Variants in KIF24 observed in about 807,000 individuals in gnomAD.
KIF24 encodes kinesin-like protein KIF24.
In KIF24, 81 loss-of-function variants were observed where a neutral mutation model predicts 118.9. The ratio of observed to expected loss-of-function variants is 0.68; its 90% CI spans 0.57 to 0.82. KIF24 has a LOEUF of 0.82. KIF24 is among the 40% of genes least tolerant of loss of function. The probability of loss-of-function intolerance (pLI) is 0.00; values close to 1 mark genes in which losing one functional copy is unlikely to be tolerated. For synonymous variants in KIF24, 599 were observed against 610.0 expected, an observed-to-expected ratio of 0.98 and a Z score of 0.27; for missense variants, 1,560 against 1,661.6, an observed-to-expected ratio of 0.94 and a Z score of 1.06.
Position 34,306,339 on chromosome 9 carries a change from T to A in KIF24, c.726A>T (p.Glu242Asp), listed in dbSNP as rs1204808370. Residue 242 changes from glutamate to aspartate, a missense_variant, in exon 3 of 13, where the codon GAA (glutamate) becomes GAT (aspartate). Physicochemically the swap from Glu to Asp is conservative, Grantham distance 45 (BLOSUM62 2). Coordinates refer to ENST00000402558, the MANE Select transcript of KIF24 (RefSeq NM_194313.4). ...TGTCTTCTACAGTAATAATATTAAT[T>A]TCTCCACGACGTACCTCCCTCATGC... ...PLGMREVRRG[E>D]INIITVEDKE... The A allele has an allele frequency of 6.2e-7, 1 of 1,610,590 alleles. No homozygotes were observed. The highest frequency in any genetic ancestry group is 1.7e-5 in the Admixed American group (1 of 59,974).
In KIF24 at chr9:34,256,979, C is replaced by T; in HGVS notation, c.2628G>A (p.Leu876=). The change falls in exon 11 of 13, where the codon CTG becomes CTA. Residue 876 remains leucine (L), a synonymous_variant. Coordinates refer to ENST00000402558, the MANE Select transcript of KIF24 (RefSeq NM_194313.4). ...EKQVAERQQS[L]FSSPRTGDKK... is the part of the protein sequence containing the mutation. Reference sequence around the variant, plus strand: ...TGTCACCTGTCCTGGGGCTAGAAAACAGACTCTGCTGTCTTTCTGCCACCT... The same window carrying T: ...TGTCACCTGTCCTGGGGCTAGAAAATAGACTCTGCTGTCTTTCTGCCACCT... 6.2e-7 allele frequency: 1 copy of T among 1,614,024 alleles called. No individual in the cohort carries two copies. Among genetic ancestry groups the T allele is most frequent in the Non-Finnish European group, 8.5e-7 (1 of 1,179,902 alleles).
At chr9:34,319,804 C>G (rs10118460) in intron 1 of KIF24, 20 of 516,570 alleles carry the variant, frequency 3.9e-5, no homozygotes, top group Non-Finnish European at 6.5e-5. Context: ...TGTGCTTGAA[C>G]GGCCCTTCCC....
rs994762947 is a variant in KIF24 at position 34,313,334 on chromosome 9, C to T, written c.-25-1963G>A. 3.3e-5 allele frequency among the ~76,000 whole-genome samples: 5 copies of T among 152,014 alleles called. No individual in the cohort carries two copies. In the South Asian group the frequency reaches 6.2e-4, roughly 19 times the overall value. ...CCAAATATCTGGGCAAAGCCCAGCC[C>T]AAATATCTGACTCACAGAACTCTGA... On this transcript the variant is annotated intron_variant, in intron 1 of 12. Transcript: ENST00000402558.
intron 1 of KIF24, chr9:34,319,604 C>T: frequency 1.1e-6 from 1 of 921,964 alleles, no homozygotes; most frequent in Non-Finnish European, 1.8e-6. Context: ...CCCTGCTGTT[C>T]ACTGGGCACC....
chr9:34,331,511 A>T (rs909280069), upstream of KIF24, among the ~76,000 whole-genome samples: 17 of 152,146 alleles, frequency 1.1e-4, no homozygotes, highest in African/African-American at 4.1e-4. Flanking sequence ...CTAAAGGAGG[A>T]TGAAAATGCT....
At position 34,254,430 on chromosome 9, in the gene KIF24, GAT is replaced by G. The variant is rs1358547832; in HGVS notation, c.4055_4056del (p.Tyr1352SerfsTer11). ...GCTGCGGTGGGCCCGTGGCAGGTGAGATAGAGCTGCAGCTGGCTCCTCAGACT... is the reference window on the plus strand; with the variant it reads ...GCTGCGGTGGGCCCGTGGCAGGTGAGAGAGCTGCAGCTGGCTCCTCAGACT... ...IQSLRSQLQL[Y>X]LTCHGPTAAP... is the part of the protein sequence containing the mutation. On this transcript the variant is annotated frameshift_variant, in exon 13 of 13. Coordinates refer to ENST00000402558, the MANE Select transcript of KIF24 (RefSeq NM_194313.4). LOFTEE classifies it high-confidence loss of function. The G allele has an allele frequency of 6.2e-7, 1 of 1,613,720 alleles. No individual in the cohort carries two copies. The highest frequency in any genetic ancestry group is 2.2e-5 in the East Asian group (1 of 44,896).
At chr9:34,294,802 C>G (rs1005675417) in intron 4 of KIF24, among the ~76,000 whole-genome samples, 2 of 152,116 alleles carry the variant, frequency 1.3e-5, no homozygotes, top group South Asian at 4.1e-4. Flanking sequence ...TAAAACTAAT[C>G]TATACTGACA....
chr9:34,268,458 G>C (rs527490894), intron 8 of KIF24, among the ~76,000 whole-genome samples: 112 of 149,304 alleles, frequency 7.5e-4, no homozygotes, highest in African/African-American at 2.6e-3. Flanking sequence ...GCCCAGCTGA[G>C]ATATATACAA....
At chr9:34,319,205 AT>A in intron 1 of KIF24, 2 of 1,600,400 alleles carry the variant, frequency 1.2e-6, no homozygotes, top group Non-Finnish European at 1.7e-6. Context: ...CTCCAGCCTC[AT>A]CATCCTCATG....
chr9:34,267,038 G>C (rs1186975537), intron 8 of KIF24, among the ~76,000 whole-genome samples: 2 of 152,136 alleles, frequency 1.3e-5, no homozygotes, highest in African/African-American at 2.4e-5. Context: ...ATAAATTAAA[G>C]AATCATCTTG....
chr9:34,262,693 T>A (rs1219305470), intron 9 of KIF24, among the ~76,000 whole-genome samples: 2 of 44,304 alleles, frequency 4.5e-5, no homozygotes, highest in Admixed American at 3.1e-4. Flanking sequence ...TATATATATA[T>A]ATATATATAT....
Position 34,259,612 on chromosome 9 carries a change from A to C in KIF24, c.1609T>G (p.Leu537Val), listed in dbSNP as rs1322360688. 1 of 1,613,652 alleles carries C rather than the reference A, an allele frequency of 6.2e-7. No homozygotes were observed. The highest frequency in any genetic ancestry group is 1.7e-5 in the Admixed American group (1 of 59,994). The change falls in exon 10 of 13, where the codon TTG (leucine) becomes GTG (valine). Residue 537 changes from leucine to valine, a missense_variant. Coordinates refer to ENST00000402558, the MANE Select transcript of KIF24 (RefSeq NM_194313.4). ...HVATEHTLNT[L>V]RYADRVKELK... ...CTGACTTACCGGTCAGCATAGCGCAAGGTGTTGAGAGTGTGTTCAGTGGCC... is the reference window on the plus strand; with the variant it reads ...CTGACTTACCGGTCAGCATAGCGCACGGTGTTGAGAGTGTGTTCAGTGGCC...
chr9:34,289,603 T>C (rs1430105233), intron 5 of KIF24, among the ~76,000 whole-genome samples: 6 of 152,200 alleles, frequency 3.9e-5, no homozygotes, highest in African/African-American at 7.2e-5. Context: ...AAACAAAACT[T>C]CATGCAAGAA....
intron 3 of KIF24, among the ~76,000 whole-genome samples, chr9:34,301,392 C>G (rs1163068044): frequency 6.6e-6 from 1 of 152,008 alleles, no homozygotes; most frequent in Admixed American, 6.6e-5. Flanking sequence ...GGATTACAGG[C>G]ATGCAGCCAC....
At chr9:34,288,248 GGCCTAGAGAGGAGGAT>G (rs528248160) in intron 5 of KIF24, among the ~76,000 whole-genome samples, 77 of 151,306 alleles carry the variant, frequency 5.1e-4, no homozygotes, top group African/African-American at 1.7e-3. Context: ...CACTTTGGGA[GGCCTAGAGAGGAGGAT>G]TGTTTGAGCC....
At chr9:34,275,639 G>A (rs1835632799) in intron 6 of KIF24, among the ~76,000 whole-genome samples, 1 of 152,048 alleles carries the variant, frequency 6.6e-6, no homozygotes, top group Non-Finnish European at 1.5e-5. Flanking sequence ...AGGAGATCGA[G>A]ACCGTCCTGG....
intron 3 of KIF24, among the ~76,000 whole-genome samples, chr9:34,305,888 G>A (rs1836896001): frequency 6.6e-6 from 1 of 152,164 alleles, no homozygotes; most frequent in Non-Finnish European, 1.5e-5. Flanking sequence ...TTATAGGCGT[G>A]AGCCACCACA....
At chr9:34,329,658 A>G (rs1837823264), upstream of KIF24, 1 of 152,348 alleles carries the variant, frequency 6.6e-6, no homozygotes, top group African/African-American at 2.4e-5. Context: ...TGAGCCTTGG[A>G]GCGATGGGAA....
At chr9:34,302,429 G>A (rs573107927) in intron 3 of KIF24, among the ~76,000 whole-genome samples, 22 of 148,082 alleles carry the variant, frequency 1.5e-4, no homozygotes, top group Non-Finnish European at 2.8e-4. Flanking sequence ...TCAGCCTCCC[G>A]AGTAGCTGAA....
Sources: gnomAD v4.1 joint callset for allele counts (sites outside exome capture counted in the v4.1 genomes callset) on GRCh38, gnomAD v4.1.1 for gene constraint, MANE v1.5 for transcripts, NCBI Gene and HGNC (gene_info 2026-07-23, HGNC 2026-07-21) for gene names.